The following HERC4 variants were observed in gnomAD, a reference collection of about 807,000 sequenced individuals.
The protein encoded by HERC4 is HECT and RLD domain containing E3 ubiquitin protein ligase 4.
HERC4 carries 28 observed loss-of-function variants against 124.3 expected under a neutral mutation model. That is an observed-to-expected ratio of 0.23 (90% CI 0.17 to 0.31). The LOEUF (loss-of-function observed/expected upper bound fraction) is 0.31, where lower values mean the gene tolerates loss of function less well. Ranked by LOEUF, HERC4 falls within the 10% of genes least tolerant of loss-of-function variation. The pLI, the probability that HERC4 is intolerant of heterozygous loss-of-function variation, is 1.00. For missense variants in HERC4, 713 were observed against 1,229.3 expected, an observed-to-expected ratio of 0.58 and a Z score of 6.28; for synonymous variants, 407 against 421.5, an observed-to-expected ratio of 0.97 and a Z score of 0.42.
chr10:67,929,384 T>C (rs2031526302), intron 23 of HERC4, among the ~76,000 whole-genome samples: 1 of 152,190 alleles, frequency 6.6e-6, no homozygotes, highest in South Asian at 2.1e-4. Flanking sequence ...ACTCAACCCC[T>C]TGTCTCTATT....
At chr10:68,036,936 T>C (rs1019379803) in intron 5 of HERC4, among the ~76,000 whole-genome samples, 9 of 152,098 alleles carry the variant, frequency 5.9e-5, no homozygotes, top group African/African-American at 2.2e-4. Context: ...AGTTATTTAC[T>C]TGGATGTCTG....
chr10:67,923,048 G>A lies in HERC4; in HGVS notation c.3033C>T (p.Leu1011=). 6.2e-7 allele frequency: 1 copy of A among 1,613,718 alleles called. No individual in the cohort carries two copies. The highest frequency in any genetic ancestry group is 8.5e-7 in the Non-Finnish European group (1 of 1,179,700). Residue 1011 remains leucine (L), a synonymous_variant, in exon 25 of 25, where the codon CTC becomes CTT. Coordinates refer to ENST00000373700, the MANE Select transcript of HERC4 (RefSeq NM_015601.4). ...IQSTGGGEEY[L]PVSHTCFNLL... Reference sequence around the variant, plus strand: ...GATTAAAACAAGTATGGGAAACTGGGAGATACTCCTCACCACCTCCTGTGG... The same window carrying A: ...GATTAAAACAAGTATGGGAAACTGGAAGATACTCCTCACCACCTCCTGTGG...
intron 3 of HERC4, among the ~76,000 whole-genome samples, chr10:68,052,116 A>C (rs2040345534): frequency 2.0e-5 from 3 of 152,216 alleles, no homozygotes; most frequent in African/African-American, 7.2e-5. Context: ...AAAGGAAAAC[A>C]CAAGTGGAAA....
At chr10:67,970,773 C>T (rs1384501781) in intron 15 of HERC4, among the ~76,000 whole-genome samples, 1 of 151,262 alleles carries the variant, frequency 6.6e-6, no homozygotes, top group Non-Finnish European at 1.5e-5. Flanking sequence ...TAAATCCAGG[C>T]ATAAAAGAAA....
intron 23 of HERC4, among the ~76,000 whole-genome samples, chr10:67,932,149 G>A (rs2031883587): frequency 6.6e-6 from 1 of 151,950 alleles, no homozygotes; most frequent in African/African-American, 2.4e-5. Context: ...GTAGAGACAG[G>A]TTTCACCATG....
rs990174848 is a variant in HERC4, at chr10:67,992,768, C to T, written c.1070-86G>A. On this transcript the variant is annotated intron_variant, in intron 9 of 24. Coordinates refer to ENST00000373700, the MANE Select transcript of HERC4 (RefSeq NM_015601.4). Reference sequence around the variant, plus strand: ...ATATGCCATTAGATTTTCACATAATCATCTTATTTAATAAGGCCTCCCATT... The same window carrying T: ...ATATGCCATTAGATTTTCACATAATTATCTTATTTAATAAGGCCTCCCATT... 4 of 687,470 alleles carry T rather than the reference C, an allele frequency of 5.8e-6. No individual in the cohort carries two copies. The African/African-American group carries it at 7.3e-5, about 13-fold the overall frequency. The allele number at this position is 687,470 out of a possible 1,614,324, so 42.6% of individuals were successfully genotyped here. A position where few individuals can be genotyped will look rare whatever the true frequency, so the allele number is the denominator to read the frequency against.
intron 23 of HERC4, among the ~76,000 whole-genome samples, 195 bp downstream of exon 23, chr10:67,932,402 T>A (rs1311984292): frequency 6.6e-6 from 1 of 152,156 alleles, no homozygotes; most frequent in East Asian, 1.9e-4. Flanking sequence ...GTTTTCTATA[T>A]CAATACCACC....
intron 21 of HERC4, among the ~76,000 whole-genome samples, chr10:67,938,692 T>C (rs1349622304): frequency 6.6e-6 from 1 of 152,164 alleles, no homozygotes; most frequent in South Asian, 2.1e-4. Flanking sequence ...ATGCCTGTAA[T>C]GCCAGCACTT....
chr10:68,032,550 A>G (rs2039262291), intron 7 of HERC4, among the ~76,000 whole-genome samples: 1 of 152,232 alleles, frequency 6.6e-6, no homozygotes, highest in Non-Finnish European at 1.5e-5. Context: ...GCAATATACT[A>G]TCATCACATA....
At chr10:67,923,219 C>G in intron 24 of HERC4, 80 bp from the exon 25 acceptor site, 4 of 1,038,282 alleles carry the variant, frequency 3.9e-6, no homozygotes, top group Non-Finnish European at 5.8e-6. Context: ...ACAGTCGCTA[C>G]AGCAGAGCTT....
chr10:68,033,362 C>T (rs1456755560), intron 6 of HERC4, among the ~76,000 whole-genome samples: 1 of 152,122 alleles, frequency 6.6e-6, no homozygotes, highest in Non-Finnish European at 1.5e-5. Context: ...CTAGTTGTTA[C>T]TAGATTAATA....
chr10:68,055,638 A>G (rs878909388), intron 3 of HERC4, among the ~76,000 whole-genome samples: 1 of 152,132 alleles, frequency 6.6e-6, no homozygotes, highest in Admixed American at 6.6e-5. Flanking sequence ...AGTTATAAAC[A>G]TTTCTGTATT....
At position 68,008,970 on chromosome 10, in the gene HERC4, C is replaced by T. The variant is rs189412362; in HGVS notation, c.1069+5056G>A. Among the ~76,000 whole-genome samples, 3 of 152,244 alleles carry T rather than the reference C, an allele frequency of 2.0e-5. No individual in the cohort carries two copies. The East Asian group carries it at 5.8e-4, about 29-fold the overall frequency. ...GCGCAGTGGTTCACTCCTGTAATCC[C>T]AGCACTTTAAGAGGCCAAGGTGGGC... On this transcript the variant is annotated intron_variant, in intron 9 of 24. Transcript: ENST00000373700.
At chr10:68,025,406 A>G in intron 8 of HERC4, 140 bp downstream of exon 8, 3 of 811,358 alleles carry the variant, frequency 3.7e-6, no homozygotes, top group Non-Finnish European at 1.9e-6. Flanking sequence ...TCCTGTTACT[A>G]TGACTCCTCA....
chr10:67,952,298 A>G (rs1034739333), intron 19 of HERC4, among the ~76,000 whole-genome samples: 1 of 152,076 alleles, frequency 6.6e-6, no homozygotes, highest in African/African-American at 2.4e-5. Context: ...ACAGCTAAAC[A>G]TGACTAAAGA....
At chr10:67,928,631 A>C (rs574929827) in intron 23 of HERC4, among the ~76,000 whole-genome samples, 94 of 152,224 alleles carry the variant, frequency 6.2e-4, no homozygotes, top group African/African-American at 2.2e-3. Context: ...ATATAAAATG[A>C]GTTGCCTCGG....
intron 17 of HERC4, chr10:67,955,874 G>T (rs941588635): frequency 2.0e-5 from 3 of 152,192 alleles, no homozygotes; most frequent in African/African-American, 7.2e-5. Context: ...CACGAACCAA[G>T]GATTTGACTT....
chr10:68,046,983 A>G (rs1459439879), intron 3 of HERC4, among the ~76,000 whole-genome samples: 1 of 147,578 alleles, frequency 6.8e-6, no homozygotes. Flanking sequence ...ACAAACAAAC[A>G]AAAAAAAACA....
chr10:68,048,371 C>T (rs1232466114), intron 3 of HERC4, among the ~76,000 whole-genome samples: 1 of 152,104 alleles, frequency 6.6e-6, no homozygotes, highest in Non-Finnish European at 1.5e-5. Flanking sequence ...CATGAAAAGA[C>T]ATGGAAGAAA....
Sources: allele counts gnomAD v4.1 joint callset (sites outside exome capture counted in the v4.1 genomes callset), GRCh38; gene constraint gnomAD v4.1.1; transcripts MANE v1.5; gene names NCBI Gene and HGNC (gene_info 2026-07-23, HGNC 2026-07-21).